CCNB1IP1: variants seen among roughly 807,000 people sequenced by gnomAD.
CCNB1IP1 encodes cyclin B1 interacting protein 1, also known as E3 ubiquitin-protein ligase CCNB1IP1.
In CCNB1IP1, 14 loss-of-function variants were observed where a neutral mutation model predicts 25.6. That is an observed-to-expected ratio of 0.55 (90% CI 0.36 to 0.85). CCNB1IP1 has a LOEUF of 0.85. CCNB1IP1 is among the 40% of genes least tolerant of loss of function. The pLI, the probability that CCNB1IP1 is intolerant of heterozygous loss-of-function variation, is 0.01. For missense variants in CCNB1IP1, 278 were observed against 342.4 expected (o/e 0.81, Z 1.48); for synonymous variants, 119 against 116.1 (o/e 1.02, Z -0.16).
chr14:20,320,876 G>A (rs1468412812), intron 4 of CCNB1IP1, among the ~76,000 whole-genome samples: 2 of 149,600 alleles, frequency 1.3e-5, no homozygotes, highest in Non-Finnish European at 3.0e-5. Flanking sequence ...AATGGCTCAC[G>A]CCTATAATCC....
At chr14:20,321,735 A>C (rs919775746) in intron 4 of CCNB1IP1, among the ~76,000 whole-genome samples, 1 of 152,200 alleles carries the variant, frequency 6.6e-6, no homozygotes, top group African/African-American at 2.4e-5. Context: ...CATCGGCGTG[A>C]TCAAGAATCT....
chr14:20,332,051 T>TTTTTTTTA (rs1883267457), intron 1 of CCNB1IP1, among the ~76,000 whole-genome samples: 3 of 84,858 alleles, frequency 3.5e-5, no homozygotes, highest in Non-Finnish European at 7.2e-5. Context: ...TTTTTTTTTT[T>TTTTTTTTA]GAGACAGAGT....
chr14:20,315,529 C>T (rs1338287199), intron 5 of CCNB1IP1: 2 of 1,189,610 alleles, frequency 1.7e-6, no homozygotes, highest in African/African-American at 3.3e-5. Flanking sequence ...GACAAACATC[C>T]TTAAGAAGTA....
At chr14:20,332,568 A>T (rs1883284872) in intron 1 of CCNB1IP1, among the ~76,000 whole-genome samples, 1 of 152,186 alleles carries the variant, frequency 6.6e-6, no homozygotes, top group Non-Finnish European at 1.5e-5. Flanking sequence ...GCTTCTCCCA[A>T]GGTCACCAGA....
chr14:20,320,546 T>C (rs1387070061), intron 4 of CCNB1IP1, among the ~76,000 whole-genome samples: 2 of 151,940 alleles, frequency 1.3e-5, no homozygotes, highest in African/African-American at 4.8e-5. Context: ...ATAACAAAAT[T>C]ATATTCCAGC....
chr14:20,317,349 T>A (rs953064506), intron 4 of CCNB1IP1, among the ~76,000 whole-genome samples: 1 of 151,530 alleles, frequency 6.6e-6, no homozygotes, highest in Non-Finnish European at 1.5e-5. Context: ...GAGCTTGCAG[T>A]GAGCCGGGAT....
At chr14:20,317,624 C>T (rs1174825650) in intron 4 of CCNB1IP1, 1 of 152,196 alleles carries the variant, frequency 6.6e-6, no homozygotes, top group Non-Finnish European at 1.5e-5. Context: ...AGCAGAGGCG[C>T]AGCTAATTCC....
rs1357323201 is a variant in CCNB1IP1, at chr14:20,311,633, T to A, written c.751A>T (p.Ser251Cys). 8 of 1,614,186 alleles carry A rather than the reference T, an allele frequency of 5.0e-6. No individual in the cohort carries two copies. The highest frequency in any genetic ancestry group is 6.8e-6 in the Non-Finnish European group (8 of 1,180,028). ...CTTGGAGAGACAAAACTAAAAAAGC[T>A]GTTGCTGGGTTCAGGTGCTGTGGGA... ...GSPTAPEPSN[S>C]FFSFVSPSRE... The change falls in exon 7 of 7, where the codon AGC becomes TGC. Residue 251 changes from serine (S) to cysteine (C), a missense_variant. Coordinates refer to ENST00000358932, the MANE Select transcript of CCNB1IP1 (RefSeq NM_021178.5).
intron 5 of CCNB1IP1, among the ~76,000 whole-genome samples, chr14:20,315,136 C>CAAAAAA (rs1159450735): frequency 1.1e-4 from 1 of 9,058 alleles, no homozygotes; most frequent in Admixed American, 2.0e-3. Context: ...TACACCTCAC[C>CAAAAAA]AAAAAAAAAA....
intron 4 of CCNB1IP1, among the ~76,000 whole-genome samples, chr14:20,324,747 A>C (rs1229958130): frequency 6.6e-6 from 1 of 152,210 alleles, no homozygotes; most frequent in East Asian, 1.9e-4. Flanking sequence ...TGGTGAAGTG[A>C]TAGAGCATGC....
intron 1 of CCNB1IP1, among the ~76,000 whole-genome samples, chr14:20,330,268 C>T (rs965675239): frequency 2.6e-5 from 4 of 151,946 alleles, no homozygotes; most frequent in Non-Finnish European, 4.4e-5. Context: ...CTAAATCTTG[C>T]GTAGGGAGCT....
intron 1 of CCNB1IP1, among the ~76,000 whole-genome samples, chr14:20,332,545 G>A (rs75069834): frequency 2.7e-3 from 417 of 152,166 alleles, no homozygotes; most frequent in African/African-American, 9.4e-3. Context: ...GCTAAGCCTC[G>A]GAATGGCTCA....
chr14:20,325,777 AAGAATATAAGC>A (rs1419503536), intron 3 of CCNB1IP1, 124 bp from the exon 4 acceptor site: 6 of 152,136 alleles, frequency 3.9e-5, no homozygotes, highest in African/African-American at 1.4e-4. Flanking sequence ...GGCACGGGTA[AAGAATATAAGC>A]TTGTCCTAAG....
intron 4 of CCNB1IP1, among the ~76,000 whole-genome samples, chr14:20,319,515 G>A (rs895930125): frequency 2.0e-5 from 3 of 152,186 alleles, no homozygotes; most frequent in African/African-American, 7.2e-5. Context: ...AATTTGACTA[G>A]TACCTAACTT....
At chr14:20,317,006 G>A (rs1180142832) in intron 4 of CCNB1IP1, among the ~76,000 whole-genome samples, 1 of 152,206 alleles carries the variant, frequency 6.6e-6, no homozygotes, top group Non-Finnish European at 1.5e-5. Context: ...CTACTCGGGA[G>A]GCTGAGGCAG....
At chr14:20,317,279 G>A (rs1220200213) in intron 4 of CCNB1IP1, among the ~76,000 whole-genome samples, 1 of 151,944 alleles carries the variant, frequency 6.6e-6, no homozygotes, top group Non-Finnish European at 1.5e-5. Flanking sequence ...GGTGGCGGGC[G>A]CCTGTAGTCC....
chr14:20,325,348 G>A (rs915040554), intron 4 of CCNB1IP1, among the ~76,000 whole-genome samples, 191 bp downstream of exon 4: 7 of 150,712 alleles, frequency 4.6e-5, no homozygotes, highest in Non-Finnish European at 1.0e-4. Flanking sequence ...GTGAACCCGG[G>A]AGGCGGAGCT....
chr14:20,324,445 C>G (rs1219523144), intron 4 of CCNB1IP1, among the ~76,000 whole-genome samples: 1 of 152,142 alleles, frequency 6.6e-6, no homozygotes, highest in Non-Finnish European at 1.5e-5. Context: ...CCTCGCCTCC[C>G]AAAGTGCTGG....
At chr14:20,315,647 G>C in intron 5 of CCNB1IP1, 1 of 1,279,016 alleles carries the variant, frequency 7.8e-7, no homozygotes, top group Non-Finnish European at 1.0e-6. Context: ...AAGGGAAAAA[G>C]TTAAGGATGC....
Sources: gnomAD v4.1 joint callset for allele counts (sites outside exome capture counted in the v4.1 genomes callset) on GRCh38, gnomAD v4.1.1 for gene constraint, MANE v1.5 for transcripts, NCBI Gene and HGNC (gene_info 2026-07-23, HGNC 2026-07-21) for gene names.